The following TRANK1 variants were observed in gnomAD, a reference collection of about 807,000 sequenced individuals.
TRANK1 encodes tetratricopeptide repeat and ankyrin repeat containing 1.
A neutral mutation model predicts 266.0 loss-of-function variants in TRANK1; 198 were observed. The ratio of observed to expected loss-of-function variants is 0.74; its 90% confidence interval spans 0.66 to 0.84. The LOEUF is 0.84. Among genes scored for constraint, TRANK1 ranks in the 40% least tolerant of loss-of-function variants. TRANK1 has a pLI of 0.00. For missense variants in TRANK1, 3,326 were observed against 3,634.6 expected (o/e 0.92, Z 2.18); for synonymous variants, 1,396 against 1,384.1 (o/e 1.01, Z -0.19).
At chr3:36,909,369 G>C (rs2080019784) in intron 1 of TRANK1, among the ~76,000 whole-genome samples, 1 of 152,200 alleles carries the variant, frequency 6.6e-6, no homozygotes, top group South Asian at 2.1e-4. Flanking sequence ...GACCACATGG[G>C]GGGCCTTGGT....
At chr3:36,866,089 AAAG>A (rs1169795008) in intron 9 of TRANK1, among the ~76,000 whole-genome samples, 2 of 151,752 alleles carry the variant, frequency 1.3e-5, no homozygotes, top group Non-Finnish European at 2.9e-5. Context: ...AGAAAGAAAG[AAAG>A]AAAGAAAGAA....
intron 5 of TRANK1, among the ~76,000 whole-genome samples, chr3:36,895,304 G>A (rs1305604137): frequency 2.0e-5 from 3 of 152,128 alleles, no homozygotes; most frequent in Admixed American, 2.0e-4. Context: ...TAGGTCATCC[G>A]GGAACACACT....
intron 8 of TRANK1, among the ~76,000 whole-genome samples, chr3:36,881,888 G>T (rs886964481): frequency 6.6e-6 from 1 of 152,072 alleles, no homozygotes; most frequent in Non-Finnish European, 1.5e-5. Context: ...CTAGCATAAC[G>T]CAATCTTCCT....
intron 1 of TRANK1, among the ~76,000 whole-genome samples, chr3:36,909,001 CTT>C (rs1178289091): frequency 1.3e-5 from 2 of 152,194 alleles, no homozygotes; most frequent in African/African-American, 4.8e-5. Context: ...CTTCCACTCT[CTT>C]AGCAGATGGA....
rs537907507 is a variant in TRANK1 at position 36,858,880 on chromosome 3, G to A, written c.1510C>T (p.Leu504Phe). ...LIDSGALPDGLQESQERPVVT... is the reference protein window; with the variant it reads ...LIDSGALPDGFQESQERPVVT... ...ACTGGCCTCTCCTGGCTCTCCTGAA[G>A]ACCATCAGGCAAGGCTGGGAGAGGA... The change falls in exon 12 of 24, where the codon CTT becomes TTT. Residue 504 changes from leucine (L) to phenylalanine (F), a missense_variant. Transcript: ENST00000645898. The A allele has an allele frequency of 1.7e-5, 26 of 1,536,270 alleles. No homozygotes were observed. In the South Asian group the frequency reaches 3.1e-4, roughly 18 times the overall value.
In TRANK1 at chr3:36,832,598, G is replaced by T. The variant is rs2078712023; in HGVS notation, c.6985C>A (p.Leu2329Met). 3.1e-6 allele frequency: 5 copies of T among 1,614,002 alleles called. No individual in the cohort carries two copies. Among genetic ancestry groups the T allele is most frequent in the Non-Finnish European group, 4.2e-6 (5 of 1,179,892 alleles). Residue 2329 changes from leucine to methionine, a missense_variant, in exon 22 of 24, where the codon CTG becomes ATG. Leu to Met is a conservative substitution (Grantham distance 15). Transcript: ENST00000645898. ...SARNRRESTD[L>M]WLSAMQAFLL... Reference sequence around the variant, plus strand: ...AAAGCTTGCATGGCACTCAGCCACAGGTCTGTGGATTCCCGGCGGTTGCGT... The same window carrying T: ...AAAGCTTGCATGGCACTCAGCCACATGTCTGTGGATTCCCGGCGGTTGCGT...
chr3:36,915,981 G>A (rs1273522551), intron 1 of TRANK1, among the ~76,000 whole-genome samples: 1 of 152,184 alleles, frequency 6.6e-6, no homozygotes, highest in Admixed American at 6.5e-5. Flanking sequence ...GTAGATGATG[G>A]ATCTTGAAGG....
At chr3:36,891,073 C>T (rs1457484877) in intron 7 of TRANK1, among the ~76,000 whole-genome samples, 1 of 152,194 alleles carries the variant, frequency 6.6e-6, no homozygotes. Flanking sequence ...CATGGTGGGG[C>T]TCACGCCTGT....
At chr3:36,865,026 T>TGTTG (rs1553622246) in intron 9 of TRANK1, among the ~76,000 whole-genome samples, 1 of 129,718 alleles carries the variant, frequency 7.7e-6, no homozygotes, top group Admixed American at 7.6e-5. Context: ...TTTTTTTGGT[T>TGTTG]TTTTTTTTTT....
In TRANK1 at chr3:36,863,627, C is replaced by T. The variant is rs768838726; in HGVS notation, c.1240+692G>A. On this transcript the variant is annotated intron_variant, in intron 10 of 23. Transcript: ENST00000645898. ...TAATTGTTCTATATTCATTATCTCA[C>T]GAGGTTAGTTCCCTACCCAAGGCAA... Among the ~76,000 whole-genome samples, 19 of 152,300 alleles carry T rather than the reference C, an allele frequency of 1.2e-4. No homozygotes were observed. In the Middle Eastern group the frequency reaches 0.01, roughly 82 times the overall value.
At chr3:36,922,872 C>A (rs994619754) in intron 1 of TRANK1, among the ~76,000 whole-genome samples, 1 of 152,124 alleles carries the variant, frequency 6.6e-6, no homozygotes, top group Non-Finnish European at 1.5e-5. Flanking sequence ...TGGCTAGTAG[C>A]TATCTTATCT....
intron 3 of TRANK1, among the ~76,000 whole-genome samples, chr3:36,900,851 CAAAAAAAAAAA>C (rs138198488): frequency 2.5e-4 from 16 of 63,016 alleles, no homozygotes; most frequent in Non-Finnish European, 5.0e-4. Context: ...GACCCTGTCT[CAAAAAAAAAAA>C]AAAAAAAAAA....
At chr3:36,931,746 T>C (rs2080363661) in intron 1 of TRANK1, among the ~76,000 whole-genome samples, 1 of 151,904 alleles carries the variant, frequency 6.6e-6, no homozygotes, top group Non-Finnish European at 1.5e-5. Flanking sequence ...CATTTGCTTA[T>C]ATATGCATAA....
intron 1 of TRANK1, among the ~76,000 whole-genome samples, chr3:36,938,205 T>C (rs1421452318): frequency 6.6e-6 from 1 of 151,296 alleles, no homozygotes; most frequent in Non-Finnish European, 1.5e-5. Flanking sequence ...GTTTTTTTGT[T>C]TGTTTGTTTG....
rs534646195 is a variant in TRANK1, at chr3:36,866,044, CAG to C, written c.1079-1566_1079-1565del. 8.9e-3 allele frequency among the ~76,000 whole-genome samples: 827 copies of C among 92,472 alleles called. 11 individuals carry two copies. The highest frequency in any genetic ancestry group is 0.029 in the African/African-American group (790 of 27,400). The allele number at this position is 92,472 out of a possible 152,430, so 60.7% of individuals were successfully genotyped here. ...AGAAAGAAAGAGAGAGAGAGACAGA[CAG>C]AAAGAAAAAGAAAGAAAGAAAGAAA... On this transcript the variant is annotated intron_variant, in intron 9 of 23. Coordinates refer to ENST00000645898, the MANE Select transcript of TRANK1 (RefSeq NM_001329998.2).
intron 2 of TRANK1, among the ~76,000 whole-genome samples, chr3:36,904,486 C>T (rs1010186900): frequency 6.6e-6 from 1 of 151,330 alleles, no homozygotes; most frequent in Non-Finnish European, 1.5e-5. Context: ...CACCACTGCA[C>T]TCCAGCCTGG....
chr3:36,857,968 T>C lies in TRANK1; in HGVS notation c.1754A>G (p.Asn585Ser), dbSNP rs907419491. The change falls in exon 13 of 24, where the codon AAT becomes AGT. Residue 585 changes from asparagine (N) to serine (S), a missense_variant. Asn to Ser is a conservative substitution (Grantham distance 46). Coordinates refer to ENST00000645898, the MANE Select transcript of TRANK1 (RefSeq NM_001329998.2). This position sits in a 1 kb window ranked among gnomAD's most constrained non-coding sequence, Gnocchi z 4.3. ...NPTEFDYLNP[N>S]VQDSNGNTLM... is the part of the protein sequence containing the mutation. ...CGTGTTCCCATTGCTGTCCTGGACA[T>C]TGGGGTTGAGGTAGTCGAATTCAGT... 4.4e-6 allele frequency: 7 copies of C among 1,600,772 alleles called. No individual in the cohort carries two copies. The highest frequency in any genetic ancestry group is 2.2e-5 in the East Asian group (1 of 44,876).
rs116522592 is a variant in TRANK1 at position 36,910,565 on chromosome 3, C to T, written c.24-2111G>A. On this transcript the variant is annotated intron_variant, in intron 1 of 23. Coordinates refer to ENST00000645898, the MANE Select transcript of TRANK1 (RefSeq NM_001329998.2). The stretch of plus-strand genomic sequence containing the variant: ...GTCCAGCCTGGCCAACATGATGAAA[C>T]GCCATGTCTTCTAAAAATACAAAAA... Among the ~76,000 whole-genome samples the T allele has an allele frequency of 9.6e-3, 1,457 of 151,434 alleles. 27 individuals are homozygous for T. The highest frequency in any genetic ancestry group is 0.034 in the African/African-American group (1,390 of 41,186).
chr3:36,828,776 G>T (rs2078659174), intron 23 of TRANK1, among the ~76,000 whole-genome samples: 1 of 152,104 alleles, frequency 6.6e-6, no homozygotes, highest in African/African-American at 2.4e-5. Context: ...CCATACACTT[G>T]AATTGGTATA....
Sources: allele counts gnomAD v4.1 joint callset (sites outside exome capture counted in the v4.1 genomes callset), GRCh38; gene constraint gnomAD v4.1.1; non-coding constraint Gnocchi (gnomAD v3.1); transcripts MANE v1.5; gene names NCBI Gene and HGNC (gene_info 2026-07-23, HGNC 2026-07-21).